The following SLC25A39 variants were observed in gnomAD, a reference collection of about 807,000 sequenced individuals.
SLC25A39 encodes mitochondrial glutathione transporter SLC25A39.
In SLC25A39, 44 loss-of-function variants were observed where a neutral mutation model predicts 46.6. That is an observed-to-expected ratio of 0.94 (90% confidence interval 0.74 to 1.21). The LOEUF is 1.21. Ranked by LOEUF, SLC25A39 falls within the 50% of genes most tolerant of loss-of-function variation. The probability of loss-of-function intolerance (pLI) is 0.00; values close to 1 mark genes in which losing one functional copy is unlikely to be tolerated. For missense variants in SLC25A39, 487 were observed against 473.0 expected (o/e 1.03, Z -0.28); for synonymous variants, 218 against 190.6 (o/e 1.14, Z -1.19).
Position 44,319,886 on chromosome 17 carries a change from G to C in SLC25A39, c.*115C>G, listed in dbSNP as rs371512625. On this transcript the variant is annotated 3_prime_UTR_variant, in exon 12 of 12. Coordinates refer to ENST00000377095, the MANE Select transcript of SLC25A39 (RefSeq NM_001143780.3). ...GCCCTGCCCTGGAGCTTGTCGCCGGGAGGGAAGGGAAACAAGCCCCCTCCC... is the reference window on the plus strand; with the variant it reads ...GCCCTGCCCTGGAGCTTGTCGCCGGCAGGGAAGGGAAACAAGCCCCCTCCC... 9.2e-4 allele frequency: 897 copies of C among 971,286 alleles called. 5 individuals are homozygous for C. In the Middle Eastern group the frequency reaches 0.011, roughly 12 times the overall value. 60.2% of individuals were successfully genotyped at this position (971,286 alleles called of 1,614,324 possible).
intron 1 of SLC25A39, 49 bp from the exon 2 acceptor site, chr17:44,323,626 G>C: frequency 7.3e-7 from 1 of 1,370,270 alleles, no homozygotes; most frequent in South Asian, 1.3e-5. Flanking sequence ...TGGCAGGAAA[G>C]GAGGCTGGGC....
At chr17:44,323,439 A>AACCCCCCCC in intron 2 of SLC25A39, 39 bp downstream of exon 2, 89 of 256,842 alleles carry the variant, frequency 3.5e-4, no homozygotes, top group Non-Finnish European at 4.4e-4. Context: ...GGTCTGCCCC[A>AACCCCCCCC]TCCCCACCCG....
At position 44,319,636 on chromosome 17, in the gene SLC25A39, T is replaced by G; in HGVS notation, c.*365A>C. 4.2e-6 allele frequency: 1 copy of G among 237,724 alleles called. No homozygotes were observed. Among genetic ancestry groups the G allele is most frequent in the Non-Finnish European group, 8.4e-6 (1 of 118,620 alleles). The allele number at this position is 237,724 out of a possible 1,614,324, so 14.7% of individuals were successfully genotyped here. A position where few individuals can be genotyped will look rare whatever the true frequency, so the allele number is the denominator to read the frequency against. The stretch of plus-strand genomic sequence containing the variant: ...GGGACAGGCACCAGGCAGAAGTTCA[T>G]CATCTTTAGACTTAAGGAATTAACA... On this transcript the variant is annotated 3_prime_UTR_variant, in exon 12 of 12. Transcript: ENST00000377095.
At chr17:44,323,857 A>T in intron 1 of SLC25A39, 2 of 383,010 alleles carry the variant, frequency 5.2e-6, no homozygotes, top group Non-Finnish European at 9.5e-6. Flanking sequence ...GGCCAAGATG[A>T]TCTCGATCTC....
intron 1 of SLC25A39, chr17:44,323,833 G>C (rs532833636): frequency 2.1e-6 from 1 of 469,560 alleles, no homozygotes; most frequent in Non-Finnish European, 3.8e-6. Context: ...GTAGAGACAG[G>C]GTTTCACCAT....
Position 44,321,116 on chromosome 17 carries a change from G to A in SLC25A39, c.633C>T (p.Gly211=). Reference sequence around the variant, plus strand: ...CCCAGCCCAGCCACAGTGAGCGCCAGCCACCCTGAGCCACTGCAGTTCGAA... The same window carrying A: ...CCCAGCCCAGCCACAGTGAGCGCCAACCACCCTGAGCCACTGCAGTTCGAA... ...ACVRTAVAQG[G]WRSLWLGWGP... The change falls in exon 8 of 12, where the codon GGC becomes GGT. Residue 211 remains glycine (G), a synonymous_variant. Coordinates refer to ENST00000377095, the MANE Select transcript of SLC25A39 (RefSeq NM_001143780.3). 6.2e-7 allele frequency: 1 copy of A among 1,612,634 alleles called. No individual in the cohort carries two copies.
At position 44,320,448 on chromosome 17, in the gene SLC25A39, G is replaced by C. The variant is rs771522660; in HGVS notation, c.802-12C>G. The C allele has an allele frequency of 1.2e-6, 2 of 1,613,318 alleles. No individual in the cohort carries two copies. The highest frequency in any genetic ancestry group is 1.7e-6 in the Non-Finnish European group (2 of 1,179,942). On this transcript the variant is annotated splice_polypyrimidine_tract_variant and intron_variant, in intron 9 of 11. Transcript: ENST00000377095. ...AGCACTGCAGCCACCTGGTGGGGTG[G>C]GCGGGGAGAGGGCTCAGCTCCACTT...
Position 44,319,780 on chromosome 17 carries a change from G to T in SLC25A39, c.*221C>A. The T allele has an allele frequency of 1.8e-6, 1 of 555,460 alleles. No homozygotes were observed. The highest frequency in any genetic ancestry group is 3.2e-6 in the Non-Finnish European group (1 of 308,574). 34.4% of individuals were successfully genotyped at this position (555,460 alleles called of 1,614,324 possible). A position where few individuals can be genotyped will look rare whatever the true frequency, so the allele number is the denominator to read the frequency against. On this transcript the variant is annotated 3_prime_UTR_variant, in exon 12 of 12. Coordinates refer to ENST00000377095, the MANE Select transcript of SLC25A39 (RefSeq NM_001143780.3). ...GGAAGATTTGGTCTTGAACTTGGGG[G>T]GTGGGTAAGTGATGATCCCCACGAC...
rs530523756 is a variant in SLC25A39 at position 44,323,807 on chromosome 17, A to G, written c.-15-230T>C. ...CAGGCGCGCACCACCACGCCTAGTT[A>G]ATTTTTGCATTTTTAGTAGAGACAG... is the stretch of plus-strand genomic sequence containing the variant. On this transcript the variant is annotated intron_variant, in intron 1 of 11. Transcript: ENST00000377095. 254 of 529,020 alleles carry G rather than the reference A, an allele frequency of 4.8e-4. 1 individual carries two copies. The highest frequency in any genetic ancestry group is 4.5e-3 in the African/African-American group (234 of 51,878). The allele number at this position is 529,020 out of a possible 1,614,324, so 32.8% of individuals were successfully genotyped here.
At position 44,323,294 on chromosome 17, in the gene SLC25A39, G is replaced by A. The variant is rs761032007; in HGVS notation, c.135C>T (p.Ser45=). The A allele has an allele frequency of 5.6e-6, 9 of 1,613,692 alleles. No homozygotes were observed. Among genetic ancestry groups the A allele is most frequent in the Non-Finnish European group, 7.6e-6 (9 of 1,179,962 alleles). Reference sequence around the variant, plus strand: ...AGGTCAGGTACTCACCGCTGGCCATGGAGGGCCGCTGAGACTGCAGGCGAA... The same window carrying A: ...AGGTCAGGTACTCACCGCTGGCCATAGAGGGCCGCTGAGACTGCAGGCGAA... ...VKVRLQSQRP[S]MASELMPSSR... Residue 45 remains serine, a synonymous_variant, in exon 3 of 12, where the codon TCC becomes TCT. Transcript: ENST00000377095.
chr17:44,320,935 C>T lies in SLC25A39; in HGVS notation c.691+123G>A, dbSNP rs2048010504. ...CTAGGCCCACTTCACAGATGAGAAACCCATGGCTCAGAAAAGCTAAGTAAC... is the reference window on the plus strand; with the variant it reads ...CTAGGCCCACTTCACAGATGAGAAATCCATGGCTCAGAAAAGCTAAGTAAC... On this transcript the variant is annotated intron_variant, in intron 8 of 11. Transcript: ENST00000377095. The T allele has an allele frequency of 1.4e-5, 18 of 1,250,568 alleles. No individual in the cohort carries two copies. The South Asian group carries it at 2.5e-4, about 17-fold the overall frequency. 77.5% of individuals were successfully genotyped at this position (1,250,568 alleles called of 1,614,324 possible).
intron 5 of SLC25A39, among the ~76,000 whole-genome samples, chr17:44,322,144 G>A (rs1259484357): frequency 1.3e-5 from 2 of 152,180 alleles, no homozygotes; most frequent in East Asian, 3.9e-4. Context: ...AGCTACTTCG[G>A]AGGCTGAGAC....
At position 44,320,396 on chromosome 17, in the gene SLC25A39, G is replaced by C. The variant is rs1256702578; in HGVS notation, c.842C>G (p.Thr281Ser). Residue 281 changes from threonine to serine, a missense_variant, in exon 10 of 12, where the codon ACC (threonine) becomes AGC (serine). Thr to Ser is a moderately conservative substitution (Grantham distance 58). Coordinates refer to ENST00000377095, the MANE Select transcript of SLC25A39 (RefSeq NM_001143780.3). ...VLTLPFDVVK[T>S]QRQVALGAME... ...CGCTCCCAGAGCGACCTGGCGTTGGGTCTTTACCACGTCAAAGGGTAGAGT... is the reference window on the plus strand; with the variant it reads ...CGCTCCCAGAGCGACCTGGCGTTGGCTCTTTACCACGTCAAAGGGTAGAGT... The C allele has an allele frequency of 5.6e-6, 9 of 1,613,618 alleles. No individual in the cohort carries two copies. Among genetic ancestry groups the C allele is most frequent in the Admixed American group, 5.0e-5 (3 of 60,016 alleles).
At position 44,321,717 on chromosome 17, in the gene SLC25A39, G is replaced by A. The variant is rs746520320; in HGVS notation, c.375C>T (p.Ser125=). 20 of 1,612,026 alleles carry A rather than the reference G, an allele frequency of 1.2e-5. No homozygotes were observed. In the East Asian group the frequency reaches 2.7e-4, roughly 22 times the overall value. ...VRHEGTRTLW[S]GLPATLVMTV... is the part of the protein sequence containing the mutation. ...CTACTCACAGGGTGGCGGGGAGGCC[G>A]CTCCAGAGGGTCCTGGTGCCCTCGT... The change falls in exon 6 of 12, where the codon AGC becomes AGT. Residue 125 remains serine, a synonymous_variant. Coordinates refer to ENST00000377095, the MANE Select transcript of SLC25A39 (RefSeq NM_001143780.3).
Position 44,320,629 on chromosome 17 carries a change from G to A in SLC25A39, c.794C>T (p.Ser265Leu). ...VGMSFVAGGI[S>L]GTVAAVLTLP... ...CCAGCCCAGTCCACTCACCGTCCCT[G>A]AGATGCCACCAGCCACAAAGCTCAT... The change falls in exon 9 of 12, where the codon TCA becomes TTA. Residue 265 changes from serine to leucine, a missense_variant. Transcript: ENST00000377095. The A allele has an allele frequency of 6.2e-7, 1 of 1,613,862 alleles. No individual in the cohort carries two copies. Among genetic ancestry groups the A allele is most frequent in the Non-Finnish European group, 8.5e-7 (1 of 1,179,914 alleles).
In SLC25A39 at chr17:44,322,807, C is replaced by T. The variant is rs1285153704; in HGVS notation, c.190+1G>A. 8.1e-6 allele frequency: 13 copies of T among 1,614,054 alleles called. No individual in the cohort carries two copies. Among genetic ancestry groups the T allele is most frequent in the Non-Finnish European group, 1.1e-5 (13 of 1,179,982 alleles). ...TGCTCCCTGTGGCTTGGGGCACTCACATTTGGTATAGGAGAGGCTCCACAG... is the reference window on the plus strand; with the variant it reads ...TGCTCCCTGTGGCTTGGGGCACTCATATTTGGTATAGGAGAGGCTCCACAG... On this transcript the variant is annotated splice_donor_variant, in intron 4 of 11. Coordinates refer to ENST00000377095, the MANE Select transcript of SLC25A39 (RefSeq NM_001143780.3). LOFTEE classifies it high-confidence loss of function.
Position 44,321,577 on chromosome 17 carries a change from G to A in SLC25A39, c.393-19C>T, listed in dbSNP as rs779654461. On this transcript the variant is annotated intron_variant, in intron 6 of 11. Transcript: ENST00000377095. ...CATCACCCTGGGGATACAGAGAGAGGTTAGCTGGGACTCCCAAAAGGACCC... is the reference window on the plus strand; with the variant it reads ...CATCACCCTGGGGATACAGAGAGAGATTAGCTGGGACTCCCAAAAGGACCC... The A allele has an allele frequency of 1.2e-5, 20 of 1,612,960 alleles. No individual in the cohort carries two copies. The Admixed American group carries it at 2.7e-4, about 22-fold the overall frequency.
At position 44,320,410 on chromosome 17, in the gene SLC25A39, A is replaced by G. The variant is rs1391534004; in HGVS notation, c.828T>C (p.Phe276=). The G allele has an allele frequency of 2.5e-6, 4 of 1,613,624 alleles. No homozygotes were observed. The highest frequency in any genetic ancestry group is 3.4e-6 in the Non-Finnish European group (4 of 1,180,020). The change falls in exon 10 of 12, where the codon TTT becomes TTC. Residue 276 remains phenylalanine (F), a synonymous_variant. Transcript: ENST00000377095. ...GTVAAVLTLP[F]DVVKTQRQVA... ...CCTGGCGTTGGGTCTTTACCACGTCAAAGGGTAGAGTCAGCACTGCAGCCA... is the reference window on the plus strand; with the variant it reads ...CCTGGCGTTGGGTCTTTACCACGTCGAAGGGTAGAGTCAGCACTGCAGCCA...
In SLC25A39 at chr17:44,320,117, C is replaced by T. The variant is rs1182989453; in HGVS notation, c.965-1G>A. The stretch of plus-strand genomic sequence containing the variant: ...GCCTTGATGATCCGAGGAAGGAAGC[C>T]TGCAGTGGAAAGGAGGCCCGTGTCA... On this transcript the variant is annotated splice_acceptor_variant, in intron 11 of 11. Coordinates refer to ENST00000377095, the MANE Select transcript of SLC25A39 (RefSeq NM_001143780.3). LOFTEE classifies it high-confidence loss of function. 1 of 1,614,046 alleles carries T rather than the reference C, an allele frequency of 6.2e-7. No individual in the cohort carries two copies.
Sources: gnomAD v4.1 joint callset for allele counts (sites outside exome capture counted in the v4.1 genomes callset) on GRCh38, gnomAD v4.1.1 for gene constraint, MANE v1.5 for transcripts, NCBI Gene and HGNC (gene_info 2026-07-23, HGNC 2026-07-21) for gene names.